The following THAP6 variants were observed in gnomAD, a reference collection of about 807,000 sequenced individuals.
The protein encoded by THAP6 is THAP domain containing 6.
THAP6 carries 13 observed loss-of-function variants against 20.0 expected under a neutral mutation model. The observed-to-expected ratio is 0.65, with a 90% confidence interval of 0.42 to 1.03. THAP6 has a LOEUF of 1.03. Among genes scored for constraint, THAP6 ranks in the 50% least tolerant of loss-of-function variants. The pLI, the probability that THAP6 is intolerant of heterozygous loss-of-function variation, is 0.00. For missense variants in THAP6, 262 were observed against 261.6 expected (o/e 1.00, Z -0.01); for synonymous variants, 93 against 92.2 (o/e 1.01, Z -0.05).
downstream of THAP6, among the ~76,000 whole-genome samples, chr4:75,534,628 C>A (rs1009671851): frequency 8.5e-5 from 13 of 152,098 alleles, no homozygotes; most frequent in Non-Finnish European, 1.9e-4. Context: ...AACAGGCAAC[C>A]TACAGAATGG....
In THAP6 at chr4:75,528,546, G is replaced by C. The variant is rs1578274412; in HGVS notation, c.*1332G>C. ...AGTTGTTTATTGTAATTTTATTTTTGTTACATTAATATTAGTTAAGATATG... is the reference window on the plus strand; with the variant it reads ...AGTTGTTTATTGTAATTTTATTTTTCTTACATTAATATTAGTTAAGATATG... On this transcript the variant is annotated 3_prime_UTR_variant, in exon 5 of 5. Transcript: ENST00000311638. 12 of 982,528 alleles carry C rather than the reference G, an allele frequency of 1.2e-5. No homozygotes were observed. Among genetic ancestry groups the C allele is most frequent in the Non-Finnish European group, 1.5e-5 (12 of 827,432 alleles). The allele number at this position is 982,528 out of a possible 1,614,324, so 60.9% of individuals were successfully genotyped here. A position where few individuals can be genotyped will look rare whatever the true frequency, so the allele number is the denominator to read the frequency against.
At chr4:75,537,630 CA>C (rs754448769) in intron 2 of THAP6, among the ~76,000 whole-genome samples, 1 of 152,118 alleles carries the variant, frequency 6.6e-6, no homozygotes, top group Non-Finnish European at 1.5e-5. Flanking sequence ...TCTCTATCAG[CA>C]GTGTGAAAAT....
intron 4 of THAP6, chr4:75,522,102 A>G: frequency 4.4e-6 from 2 of 451,832 alleles, no homozygotes; most frequent in Non-Finnish European, 7.7e-6. Context: ...ATTTCTACCA[A>G]GGAAATAATT....
Position 75,528,830 on chromosome 4 carries a change from C to G in THAP6, c.*1616C>G. 6.4e-6 allele frequency: 6 copies of G among 940,946 alleles called. No homozygotes were observed. The highest frequency in any genetic ancestry group is 7.6e-6 in the Non-Finnish European group (6 of 790,170). The allele number at this position is 940,946 out of a possible 1,614,324, so 58.3% of individuals were successfully genotyped here. A position where few individuals can be genotyped will look rare whatever the true frequency, so the allele number is the denominator to read the frequency against. On this transcript the variant is annotated 3_prime_UTR_variant, in exon 5 of 5. Transcript: ENST00000311638. ...TTGGGAGGCCAAGGCAGGCAGATCA[C>G]TTGAGGTCAGGGGTTCAAAACCAGC...
chr4:75,541,724 G>A (rs1727010070), intron 2 of THAP6, among the ~76,000 whole-genome samples: 1 of 152,152 alleles, frequency 6.6e-6, no homozygotes, highest in African/African-American at 2.4e-5. Context: ...GGGAGGCCGA[G>A]GCAGGTGGAT....
At chr4:75,533,706 GC>G (rs1270469088), downstream of THAP6, among the ~76,000 whole-genome samples, 1 of 152,122 alleles carries the variant, frequency 6.6e-6, no homozygotes, top group African/African-American at 2.4e-5. Flanking sequence ...ATGGATGGCA[GC>G]AGGCAAAAAG....
intron 3 of THAP6, among the ~76,000 whole-genome samples, chr4:75,519,747 G>C (rs1479489999): frequency 6.6e-6 from 1 of 151,690 alleles, no homozygotes; most frequent in Admixed American, 6.6e-5. Context: ...ATTTGGCTTG[G>C]TTCCAAGTCT....
chr4:75,514,210 C>T (rs760671203), upstream of THAP6: 2 of 1,612,336 alleles, frequency 1.2e-6, no homozygotes, highest in Non-Finnish European at 1.7e-6. Context: ...TAGGAGACAT[C>T]CTCTGTCATA....
rs10643016 is a variant in THAP6 at position 75,528,756 on chromosome 4, T to TA, written c.*1554dup. 0.36 allele frequency: 316,689 copies of TA among 884,206 alleles called. 17,444 individuals carry two copies. Among genetic ancestry groups the TA allele is most frequent in the African/African-American group, 0.48 (25,853 of 53,600 alleles). 54.8% of individuals were successfully genotyped at this position (884,206 alleles called of 1,614,324 possible). ...GAAAAAAAAGTAGTAAAAAGGTAGTTAAAAAAAAAAAAGGCCGGGTGGTGG... is the reference window on the plus strand; with the variant it reads ...GAAAAAAAAGTAGTAAAAAGGTAGTTAAAAAAAAAAAAAGGCCGGGTGGTGG... On this transcript the variant is annotated 3_prime_UTR_variant, in exon 5 of 5. Transcript: ENST00000311638.
chr4:75,528,815 A>T lies in THAP6; in HGVS notation c.*1601A>T, dbSNP rs528631060. ...TGTAATCCTAGCACTTTGGGAGGCC[A>T]AGGCAGGCAGATCACTTGAGGTCAG... is the stretch of plus-strand genomic sequence containing the variant. On this transcript the variant is annotated 3_prime_UTR_variant, in exon 5 of 5. Transcript: ENST00000311638. The T allele has an allele frequency of 1.0e-6, 1 of 967,194 alleles. No individual in the cohort carries two copies. The highest frequency in any genetic ancestry group is 1.8e-5 in the African/African-American group (1 of 56,568). The allele number at this position is 967,194 out of a possible 1,614,324, so 59.9% of individuals were successfully genotyped here.
At chr4:75,514,027 T>C, upstream of THAP6, 1 of 1,034,566 alleles carries the variant, frequency 9.7e-7, no homozygotes, top group Non-Finnish European at 1.4e-6. Context: ...AGGTGGGGCT[T>C]ATCGCCTTGC....
In THAP6 at chr4:75,528,357, A is replaced by G. The variant is rs1339668591; in HGVS notation, c.*1143A>G. The G allele has an allele frequency of 3.0e-6, 3 of 985,348 alleles. No individual in the cohort carries two copies. The highest frequency in any genetic ancestry group is 1.7e-5 in the African/African-American group (1 of 57,260). The allele number at this position is 985,348 out of a possible 1,614,324, so 61.0% of individuals were successfully genotyped here. A position where few individuals can be genotyped will look rare whatever the true frequency, so the allele number is the denominator to read the frequency against. ...CCGAAAACAACTGAAATTGAGAGTC[A>G]TAAATACTGTGGGTTAGAATAAAAA... On this transcript the variant is annotated 3_prime_UTR_variant, in exon 5 of 5. Coordinates refer to ENST00000311638, the MANE Select transcript of THAP6 (RefSeq NM_144721.6).
At position 75,527,431 on chromosome 4, in the gene THAP6, C is replaced by T; in HGVS notation, c.*217C>T. Reference sequence around the variant, plus strand: ...TCTTGTGACAATTATGTTTTATAGACCTACACTAGTGCCAGGTCACTATTG... The same window carrying T: ...TCTTGTGACAATTATGTTTTATAGATCTACACTAGTGCCAGGTCACTATTG... On this transcript the variant is annotated 3_prime_UTR_variant, in exon 5 of 5. Transcript: ENST00000311638. 2.3e-6 allele frequency: 3 copies of T among 1,332,362 alleles called. No individual in the cohort carries two copies. The highest frequency in any genetic ancestry group is 2.9e-6 in the Non-Finnish European group (3 of 1,042,142). The allele number at this position is 1,332,362 out of a possible 1,614,324, so 82.5% of individuals were successfully genotyped here.
At chr4:75,547,231 A>G (rs1191912985) in intron 3 of THAP6, among the ~76,000 whole-genome samples, 1 of 152,198 alleles carries the variant, frequency 6.6e-6, no homozygotes, top group Non-Finnish European at 1.5e-5. Flanking sequence ...GCTAAAACTA[A>G]TCAAGATTTG....
chr4:75,542,729 T>C (rs1486903921), intron 3 of THAP6: 3 of 360,408 alleles, frequency 8.3e-6, no homozygotes, highest in Non-Finnish European at 1.5e-5. Context: ...TGTTTTGTTT[T>C]GTTTTGTCTT....
upstream of THAP6, chr4:75,514,246 T>C: frequency 6.2e-7 from 1 of 1,612,900 alleles, no homozygotes; most frequent in Non-Finnish European, 8.5e-7. Context: ...CTGACCTCGC[T>C]CTTGACCGCT....
chr4:75,544,027 T>A (rs956640172), intron 3 of THAP6, among the ~76,000 whole-genome samples: 2 of 152,128 alleles, frequency 1.3e-5, no homozygotes, highest in African/African-American at 4.8e-5. Context: ...ATGAGGTAGG[T>A]CCATGTGACA....
chr4:75,534,893 T>G (rs916019379), downstream of THAP6, among the ~76,000 whole-genome samples: 1 of 152,152 alleles, frequency 6.6e-6, no homozygotes, highest in Non-Finnish European at 1.5e-5. Flanking sequence ...GGGCGATCAT[T>G]AAAAAGTCAG....
chr4:75,517,305 C>T (rs143243745), intron 3 of THAP6: 5,486 of 195,648 alleles, frequency 0.028, 327 homozygotes, highest in African/African-American at 0.12. Flanking sequence ...CATGAGCCAC[C>T]GTGCCTGGCC....
Sources: gnomAD v4.1 joint callset for allele counts (sites outside exome capture counted in the v4.1 genomes callset) on GRCh38, gnomAD v4.1.1 for gene constraint, MANE v1.5 for transcripts, NCBI Gene and HGNC (gene_info 2026-07-23, HGNC 2026-07-21) for gene names.